Variants in MYO16 observed in about 807,000 individuals in gnomAD.
MYO16 encodes unconventional myosin-XVI.
Under a neutral mutation model 205.3 loss-of-function variants are expected in MYO16, and 94 were observed. The observed-to-expected ratio is 0.46, with a 90% confidence interval of 0.39 to 0.54. MYO16 has a LOEUF of 0.54. MYO16 is among the 20% of genes least tolerant of loss of function. The probability of loss-of-function intolerance (pLI) is 0.00; values close to 1 mark genes in which losing one functional copy is unlikely to be tolerated. For missense variants in MYO16, 2,315 were observed against 2,387.5 expected, an observed-to-expected ratio of 0.97 and a Z score of 0.63; for synonymous variants, 988 against 954.0, an observed-to-expected ratio of 1.04 and a Z score of -0.66.
intron 4 of MYO16, among the ~76,000 whole-genome samples, chr13:108,740,702 C>T (rs1372606920): frequency 6.6e-6 from 1 of 152,160 alleles, no homozygotes; most frequent in Non-Finnish European, 1.5e-5. Context: ...GTTTCTGCTG[C>T]CTTTTGTTCA....
At position 108,964,872 on chromosome 13, in the gene MYO16, C is replaced by G. The variant is rs766057427; in HGVS notation, c.2339C>G (p.Ser780Cys). The change falls in exon 20 of 35, where the codon TCT (serine) becomes TGT (cysteine). Residue 780 changes from serine to cysteine, a missense_variant. Transcript: ENST00000457511. Reference protein sequence around the residue: ...LFSFLVNTMNSCLHSQDEQKS... With the variant: ...LFSFLVNTMNCCLHSQDEQKS... ...AGCTTTTTGGTGAATACCATGAATTCTTGCCTCCACAGTCAAGATGAACAG... is the reference window on the plus strand; with the variant it reads ...AGCTTTTTGGTGAATACCATGAATTGTTGCCTCCACAGTCAAGATGAACAG... 12 of 1,531,490 alleles carry G rather than the reference C, an allele frequency of 7.8e-6. No individual in the cohort carries two copies. Among genetic ancestry groups the G allele is most frequent in the Non-Finnish European group, 8.0e-6 (9 of 1,125,388 alleles). The allele number at this position is 1,531,490 out of a possible 1,614,324, so 94.9% of individuals were successfully genotyped here. A position where few individuals can be genotyped will look rare whatever the true frequency, so the allele number is the denominator to read the frequency against.
intron 16 of MYO16, among the ~76,000 whole-genome samples, chr13:108,915,127 G>A (rs886312324): frequency 6.6e-6 from 1 of 152,190 alleles, no homozygotes; most frequent in Non-Finnish European, 1.5e-5. Context: ...GATAGGACGT[G>A]TGCCTAACTT....
intron 3 of MYO16, among the ~76,000 whole-genome samples, chr13:108,726,567 A>G (rs1039189897): frequency 6.7e-6 from 1 of 150,184 alleles, no homozygotes; most frequent in Non-Finnish European, 1.5e-5. Context: ...CAAAAAAAAA[A>G]AAAAAGAAAA....
At chr13:109,135,351 A>G (rs1876724257) in intron 31 of MYO16, among the ~76,000 whole-genome samples, 1 of 152,166 alleles carries the variant, frequency 6.6e-6, no homozygotes, top group African/African-American at 2.4e-5. Context: ...CAGGCTGGAA[A>G]TAATTTTCCG....
chr13:108,783,721 G>A (rs143208191), intron 4 of MYO16, among the ~76,000 whole-genome samples: 113 of 152,232 alleles, frequency 7.4e-4, no homozygotes, highest in East Asian at 4.5e-3. Flanking sequence ...TGCTATTCTC[G>A]TGATAGTGAA....
chr13:108,648,561 TA>T (rs947530875), intron 1 of MYO16, among the ~76,000 whole-genome samples: 2 of 150,918 alleles, frequency 1.3e-5, no homozygotes, highest in Non-Finnish European at 3.0e-5. Context: ...ATGTATTATT[TA>T]AAAATAAATA....
chr13:108,885,230 C>G (rs1879812311), intron 13 of MYO16, among the ~76,000 whole-genome samples: 1 of 152,240 alleles, frequency 6.6e-6, no homozygotes, highest in Non-Finnish European at 1.5e-5. Flanking sequence ...AGTGATTCTC[C>G]TGCTTCAGCC....
chr13:109,007,128 C>T (rs1242990922), intron 21 of MYO16, among the ~76,000 whole-genome samples: 1 of 152,134 alleles, frequency 6.6e-6, no homozygotes, highest in Non-Finnish European at 1.5e-5. Context: ...GTGGCTCATG[C>T]CTGTAATCCC....
chr13:108,856,639 A>AC (rs1555306067), intron 11 of MYO16, among the ~76,000 whole-genome samples: 1 of 151,312 alleles, frequency 6.6e-6, no homozygotes, highest in Non-Finnish European at 1.5e-5. Flanking sequence ...TATTGTGTTG[A>AC]TTTTTTTTGT....
chr13:108,587,040 C>G, the MYO16 span, among the ~76,000 whole-genome samples: 1 of 152,260 alleles, frequency 6.6e-6, no homozygotes, highest in Non-Finnish European at 1.5e-5. Flanking sequence ...AGGACAAAGG[C>G]TTTATTGGGT....
intron 4 of MYO16, among the ~76,000 whole-genome samples, chr13:108,749,816 G>A (rs1885174434): frequency 6.6e-6 from 1 of 152,184 alleles, no homozygotes; most frequent in South Asian, 2.1e-4. Context: ...CCATTTAAAA[G>A]CCTATACTCA....
the MYO16 span, among the ~76,000 whole-genome samples, chr13:108,497,590 T>C: frequency 6.6e-6 from 1 of 152,246 alleles, no homozygotes; most frequent in African/African-American, 2.4e-5. Flanking sequence ...TACAATTTCA[T>C]CTAGAGGGCA....
At position 108,854,666 on chromosome 13, in the gene MYO16, T is replaced by TA. The variant is rs996379163; in HGVS notation, c.1249-770dup. Among the ~76,000 whole-genome samples, 4 of 152,186 alleles carry TA rather than the reference T, an allele frequency of 2.6e-5. No homozygotes were observed. In the South Asian group the frequency reaches 8.3e-4, roughly 32 times the overall value. On this transcript the variant is annotated intron_variant, in intron 10 of 34. Coordinates refer to ENST00000457511, the MANE Select transcript of MYO16 (RefSeq NM_001198950.3). ...TCTTTTGCTCCTCTGTGTGTGATATTAAAAAAACACTACTACCATATTACA... is the reference window on the plus strand; with the variant it reads ...TCTTTTGCTCCTCTGTGTGTGATATTAAAAAAAACACTACTACCATATTACA...
At chr13:108,863,681 G>A (rs1163171733) in intron 11 of MYO16, among the ~76,000 whole-genome samples, 1 of 151,996 alleles carries the variant, frequency 6.6e-6, no homozygotes, top group Admixed American at 6.6e-5. Flanking sequence ...AGAGTCTAAT[G>A]TCAATTTTGT....
At position 109,008,426 on chromosome 13, in the gene MYO16, G is replaced by T. The variant is rs542370508; in HGVS notation, c.2443-471G>T. Among the ~76,000 whole-genome samples, 107 of 130,014 alleles carry T rather than the reference G, an allele frequency of 8.2e-4. 1 individual carries two copies. The highest frequency in any genetic ancestry group is 3.0e-3 in the African/African-American group (100 of 33,196). 85.3% of individuals were successfully genotyped at this position (130,014 alleles called of 152,430 possible). ...TATGCACTACTGTACTATCTATCTTGTGTATGCACTACTGTACTATCTTGT... is the reference window on the plus strand; with the variant it reads ...TATGCACTACTGTACTATCTATCTTTTGTATGCACTACTGTACTATCTTGT... On this transcript the variant is annotated intron_variant, in intron 21 of 34. Transcript: ENST00000457511.
intron 27 of MYO16, among the ~76,000 whole-genome samples, chr13:109,096,275 G>A (rs548453894): frequency 2.0e-5 from 3 of 152,272 alleles, no homozygotes; most frequent in Admixed American, 1.3e-4. Context: ...TCCTTGGCTT[G>A]CAGCTGTGTC....
At chr13:109,023,357 G>T (rs867942468) in intron 23 of MYO16, among the ~76,000 whole-genome samples, 2 of 60,038 alleles carry the variant, frequency 3.3e-5, no homozygotes, top group African/African-American at 7.2e-5. Context: ...ATATTATACA[G>T]ATATAAATAT....
At chr13:108,836,056 A>G (rs1380964924) in intron 9 of MYO16, among the ~76,000 whole-genome samples, 1 of 152,158 alleles carries the variant, frequency 6.6e-6, no homozygotes, top group East Asian at 1.9e-4. Context: ...CCTTCACAGC[A>G]GCCCCTCTCA....
At chr13:109,063,111 T>A (rs1396033850) in intron 27 of MYO16, among the ~76,000 whole-genome samples, 1 of 152,154 alleles carries the variant, frequency 6.6e-6, no homozygotes, top group Non-Finnish European at 1.5e-5. Flanking sequence ...ACAATAAATG[T>A]GGATAATGGA....
Sources: gnomAD v4.1 joint callset for allele counts (sites outside exome capture counted in the v4.1 genomes callset) on GRCh38, gnomAD v4.1.1 for gene constraint, MANE v1.5 for transcripts, NCBI Gene and HGNC (gene_info 2026-07-23, HGNC 2026-07-21) for gene names.